Variants in IDH1 observed in about 807,000 individuals in gnomAD.
IDH1 encodes the protein isocitrate dehydrogenase [NADP] cytoplasmic.
IDH1 carries 33 observed loss-of-function variants against 46.1 expected under a neutral mutation model. The ratio of observed to expected loss-of-function variants is 0.72; its 90% CI spans 0.54 to 0.96. The LOEUF is 0.96. Ranked by LOEUF, IDH1 falls within the 40% of genes least tolerant of loss-of-function variation. The pLI, the probability that IDH1 is intolerant of heterozygous loss-of-function variation, is 0.00. For missense variants in IDH1, 421 were observed against 515.7 expected, an observed-to-expected ratio of 0.82 and a Z score of 1.78; for synonymous variants, 144 against 172.8, an observed-to-expected ratio of 0.83 and a Z score of 1.31.
At chr2:208,245,782 C>CA (rs1234650263) in intron 4 of IDH1, among the ~76,000 whole-genome samples, 1 of 37,466 alleles carries the variant, frequency 2.7e-5, no homozygotes, top group East Asian at 6.7e-4. Flanking sequence ...GTATTAGACC[C>CA]CCCCCCCAAA....
chr2:208,251,786 C>T (rs1045793094), intron 2 of IDH1, among the ~76,000 whole-genome samples: 4 of 152,032 alleles, frequency 2.6e-5, no homozygotes, highest in Admixed American at 6.6e-5. Context: ...ATGTTTCACA[C>T]GCGGTTTCTG....
chr2:208,241,398 T>G (rs1687917209), intron 7 of IDH1, among the ~76,000 whole-genome samples: 1 of 150,892 alleles, frequency 6.6e-6, no homozygotes, highest in Admixed American at 6.6e-5. Context: ...AATTTTTTTT[T>G]TTTTTTTTTT....
At chr2:208,251,354 G>T in intron 3 of IDH1, 76 bp downstream of exon 3, 1 of 1,526,910 alleles carries the variant, frequency 6.5e-7, no homozygotes, top group Non-Finnish European at 9.0e-7. Flanking sequence ...AAGTAGCTGG[G>T]ACTTCACGTG....
At chr2:208,237,610 T>C (rs772193165) in intron 9 of IDH1, among the ~76,000 whole-genome samples, 19 of 152,112 alleles carry the variant, frequency 1.2e-4, no homozygotes, top group Non-Finnish European at 2.1e-4. Flanking sequence ...TTGTTATTTC[T>C]ATCAGTGTCT....
At chr2:208,247,444 TTC>T (rs1230466853) in intron 4 of IDH1, 2 of 152,246 alleles carry the variant, frequency 1.3e-5, no homozygotes, top group Non-Finnish European at 2.9e-5. Context: ...AGTTTTTTTT[TTC>T]TTTTTCTTTT....
chr2:208,238,842 C>G (rs1446119472), intron 9 of IDH1, among the ~76,000 whole-genome samples: 1 of 152,182 alleles, frequency 6.6e-6, no homozygotes, highest in East Asian at 1.9e-4. Flanking sequence ...TCTATGACTG[C>G]TTTCCTGCTA....
In IDH1 at chr2:208,242,106, A is replaced by C. The variant is rs1309166180; in HGVS notation, c.738T>G (p.Tyr246Ter). The C allele has an allele frequency of 6.2e-7, 1 of 1,614,048 alleles. No individual in the cohort carries two copies. The highest frequency in any genetic ancestry group is 1.1e-5 in the South Asian group (1 of 91,074). ...KSQFEAQKIW[Y>*]EHRLIDDMVA... ...CCATGTCGTCGATGAGCCTATGCTCATACCAGATCTTTTGAGCTTCAAACT... is the reference window on the plus strand; with the variant it reads ...CCATGTCGTCGATGAGCCTATGCTCCTACCAGATCTTTTGAGCTTCAAACT... Residue 246 changes from tyrosine to a stop codon, truncating the protein, a stop_gained, in exon 7 of 10, where the codon TAT becomes TAG. Transcript: ENST00000345146. LOFTEE classifies it high-confidence loss of function.
chr2:208,253,774 A>C (rs1421180787), intron 2 of IDH1, 112 bp downstream of exon 2: 1 of 152,260 alleles, frequency 6.6e-6, no homozygotes, highest in Non-Finnish European at 1.5e-5. Flanking sequence ...TGTTGGAAAT[A>C]TTCCTCACTC....
chr2:208,242,838 C>T (rs1261693433), intron 6 of IDH1, among the ~76,000 whole-genome samples: 4 of 151,150 alleles, frequency 2.6e-5, no homozygotes, highest in Non-Finnish European at 5.9e-5. Flanking sequence ...GATTTCGGCT[C>T]ACTGCAACCT....
Position 208,236,365 on chromosome 2 carries a change from T to C in IDH1, c.*714A>G, listed in dbSNP as rs933665801. On this transcript the variant is annotated 3_prime_UTR_variant, in exon 10 of 10. Transcript: ENST00000345146. ...AGCAGAAGTCCAAAAAAGATTCAGC[T>C]TACATTATTGCACTTGGATGAAATA... The C allele has an allele frequency of 2.2e-5, 5 of 229,356 alleles. No homozygotes were observed. Among genetic ancestry groups the C allele is most frequent in the Non-Finnish European group, 3.5e-5 (4 of 115,524 alleles). 14.2% of individuals were successfully genotyped at this position (229,356 alleles called of 1,614,324 possible).
chr2:208,238,062 G>C (rs1687847505), intron 9 of IDH1, among the ~76,000 whole-genome samples: 1 of 146,230 alleles, frequency 6.8e-6, no homozygotes, highest in African/African-American at 2.5e-5. Flanking sequence ...TTGAGATGGA[G>C]TCTCGCTCTG....
At chr2:208,251,164 C>T in intron 3 of IDH1, 1 of 332,144 alleles carries the variant, frequency 3.0e-6, no homozygotes, top group South Asian at 4.5e-5. Flanking sequence ...CAAAACACAG[C>T]TATATCTATA....
chr2:208,247,747 T>C (rs1277209689), intron 4 of IDH1: 1 of 153,210 alleles, frequency 6.5e-6, no homozygotes, highest in Non-Finnish European at 1.5e-5. Flanking sequence ...CAAGCAGTGC[T>C]TCCAAATTGG....
chr2:208,239,123 C>A lies in IDH1; in HGVS notation c.1102G>T (p.Glu368Ter). The A allele has an allele frequency of 6.2e-7, 1 of 1,613,984 alleles. No homozygotes were observed. The highest frequency in any genetic ancestry group is 8.5e-7 in the Non-Finnish European group (1 of 1,179,908). The change falls in exon 9 of 10, where the codon GAG becomes TAG. Residue 368 changes from glutamate (E) to a stop codon, truncating the protein, a stop_gained. Coordinates refer to ENST00000345146, the MANE Select transcript of IDH1 (RefSeq NM_005896.4). LOFTEE classifies it high-confidence loss of function. ...AAGTCCTTGGTCATGAAGCCAGCCT[C>A]AATTGTCTCAATAGAGACTTCTTCC... ...ALEEVSIETI[E>*]AGFMTKDLAA...
intron 4 of IDH1, among the ~76,000 whole-genome samples, chr2:208,246,201 C>T (rs1356744805): frequency 2.6e-5 from 4 of 152,164 alleles, no homozygotes; most frequent in Admixed American, 2.0e-4. Context: ...GCACCTCCCT[C>T]ATGGGCCTCA....
Position 208,239,938 on chromosome 2 carries a change from C to T in IDH1, c.916G>A (p.Glu306Lys), listed in dbSNP as rs1383003569. 6.2e-7 allele frequency: 1 copy of T among 1,614,194 alleles called. No individual in the cohort carries two copies. The highest frequency in any genetic ancestry group is 1.6e-4 in the Middle Eastern group (1 of 6,062). ...CGGGTTACAGTCCCGTGGGCAGCCTCTGCTTCTACTGTCTTGCCATCTGGA... is the reference window on the plus strand; with the variant it reads ...CGGGTTACAGTCCCGTGGGCAGCCTTTGCTTCTACTGTCTTGCCATCTGGA... Reference protein sequence around the residue: ...VCPDGKTVEAEAAHGTVTRHY... With the variant: ...VCPDGKTVEAKAAHGTVTRHY... The change falls in exon 8 of 10, where the codon GAG becomes AAG. Residue 306 changes from glutamate to lysine, a missense_variant. By Grantham distance (56) the Glu-to-Lys change is moderately conservative. Coordinates refer to ENST00000345146, the MANE Select transcript of IDH1 (RefSeq NM_005896.4).
intron 5 of IDH1, among the ~76,000 whole-genome samples, chr2:208,244,326 G>A (rs184216056): frequency 3.9e-4 from 60 of 152,240 alleles, no homozygotes; most frequent in African/African-American, 1.3e-3. Context: ...AACTTACGCA[G>A]CCTCAGGTAT....
At chr2:208,238,200 T>A (rs1479994990) in intron 9 of IDH1, among the ~76,000 whole-genome samples, 1 of 151,898 alleles carries the variant, frequency 6.6e-6, no homozygotes, top group Non-Finnish European at 1.5e-5. Flanking sequence ...CACGCCTGGT[T>A]AATTTTTTGT....
chr2:208,244,049 G>A (rs925038556), intron 5 of IDH1, among the ~76,000 whole-genome samples: 6 of 152,220 alleles, frequency 3.9e-5, no homozygotes, highest in Non-Finnish European at 7.3e-5. Flanking sequence ...ACATGGGGTT[G>A]GATCCCTTAT....
Sources: gnomAD v4.1 joint callset for allele counts (sites outside exome capture counted in the v4.1 genomes callset) on GRCh38, gnomAD v4.1.1 for gene constraint, MANE v1.5 for transcripts, NCBI Gene and HGNC (gene_info 2026-07-23, HGNC 2026-07-21) for gene names.